The following MIPEP variants were observed in gnomAD, a reference collection of about 807,000 sequenced individuals.
MIPEP encodes the protein mitochondrial intermediate peptidase.
In MIPEP, 79 loss-of-function variants were observed where a neutral mutation model predicts 90.3. That is an observed-to-expected ratio of 0.87 (90% CI 0.73 to 1.05). MIPEP has a LOEUF of 1.05. MIPEP is among the 50% of genes least tolerant of loss of function. The pLI, the probability that MIPEP is intolerant of heterozygous loss-of-function variation, is 0.00. For missense variants in MIPEP, 940 were observed against 905.6 expected, an observed-to-expected ratio of 1.04 and a Z score of -0.49; for synonymous variants, 334 against 315.8, an observed-to-expected ratio of 1.06 and a Z score of -0.61.
chr13:23,821,930 C>T (rs961481797), intron 14 of MIPEP, among the ~76,000 whole-genome samples: 2 of 152,048 alleles, frequency 1.3e-5, no homozygotes, highest in South Asian at 4.1e-4. Context: ...TGTGTGGACA[C>T]AGAAGGGCCA....
At chr13:23,744,851 TA>T (rs1952367062) in intron 18 of MIPEP, among the ~76,000 whole-genome samples, 1 of 152,178 alleles carries the variant, frequency 6.6e-6, no homozygotes, top group Admixed American at 6.5e-5. Context: ...AGCATTTAAA[TA>T]AAATGTCTAT....
chr13:23,837,491 T>A, intron 13 of MIPEP, 61 bp downstream of exon 13: 1 of 1,316,876 alleles, frequency 7.6e-7, no homozygotes, highest in African/African-American at 1.5e-5. Context: ...CCTTTCCCAA[T>A]TCAAAGAAAA....
chr13:23,883,784 T>C lies in MIPEP; in HGVS notation c.364-1997A>G, dbSNP rs530610362. ...TGACACAGATTTTCCTTTTCTGATT[T>C]CTGTGACACAATTAGGTGAACAGGG... On this transcript the variant is annotated intron_variant, in intron 2 of 18. Transcript: ENST00000382172. Among the ~76,000 whole-genome samples the C allele has an allele frequency of 9.6e-4, 147 of 152,346 alleles. 1 individual carries two copies. The highest frequency in any genetic ancestry group is 3.4e-3 in the African/African-American group (142 of 41,584).
intron 14 of MIPEP, among the ~76,000 whole-genome samples, chr13:23,811,591 G>T (rs1456101421): frequency 6.6e-6 from 1 of 152,160 alleles, no homozygotes; most frequent in African/African-American, 2.4e-5. Context: ...TTTTCTATAA[G>T]TTGCTCACTA....
intron 14 of MIPEP, among the ~76,000 whole-genome samples, chr13:23,834,328 T>C (rs1868921550): frequency 6.6e-6 from 1 of 152,190 alleles, no homozygotes; most frequent in Non-Finnish European, 1.5e-5. Context: ...ATGCCCGTGT[T>C]TTTCCCTGTG....
chr13:23,736,222 A>T (rs1952261915), intron 18 of MIPEP, among the ~76,000 whole-genome samples: 1 of 152,226 alleles, frequency 6.6e-6, no homozygotes, highest in Non-Finnish European at 1.5e-5. Flanking sequence ...GGACTCAAAC[A>T]GGCAATAACT....
intron 18 of MIPEP, among the ~76,000 whole-genome samples, chr13:23,755,649 T>C (rs73446195): frequency 0.027 from 4,040 of 152,314 alleles, 196 homozygotes; most frequent in African/African-American, 0.092. Context: ...TAAATATTTG[T>C]AAGCATGTTT....
intron 14 of MIPEP, among the ~76,000 whole-genome samples, chr13:23,829,885 C>T (rs1025918077): frequency 2.6e-5 from 4 of 152,148 alleles, no homozygotes; most frequent in African/African-American, 7.2e-5. Flanking sequence ...AACACTGCTG[C>T]TAATTAAGAC....
intron 1 of MIPEP, among the ~76,000 whole-genome samples, chr13:23,887,103 T>G (rs549178726): frequency 6.6e-6 from 1 of 152,064 alleles, no homozygotes; most frequent in Admixed American, 6.5e-5. Flanking sequence ...GGAGGATGAG[T>G]TGACTATGAA....
chr13:23,763,173 G>T (rs772584174), intron 16 of MIPEP, among the ~76,000 whole-genome samples: 2 of 152,152 alleles, frequency 1.3e-5, no homozygotes, highest in South Asian at 4.1e-4. Context: ...ATTTAAAAGG[G>T]GTATTTGTCA....
chr13:23,786,450 A>G (rs952159926), intron 16 of MIPEP, among the ~76,000 whole-genome samples: 5 of 152,184 alleles, frequency 3.3e-5, no homozygotes, highest in African/African-American at 1.2e-4. Context: ...TACAAGCAAA[A>G]CAACAAAAAT....
chr13:23,877,897 T>TTA (rs1871133252), intron 4 of MIPEP, among the ~76,000 whole-genome samples: 1 of 152,220 alleles, frequency 6.6e-6, no homozygotes, highest in South Asian at 2.1e-4. Flanking sequence ...TTGCTTTTCT[T>TTA]TTCTAGACTG....
At chr13:23,825,763 T>A (rs1189646313) in intron 14 of MIPEP, among the ~76,000 whole-genome samples, 1 of 152,178 alleles carries the variant, frequency 6.6e-6, no homozygotes, top group East Asian at 1.9e-4. Context: ...TGGCTGAGTC[T>A]AAGGTAGCCA....
At position 23,849,986 on chromosome 13, in the gene MIPEP, C is replaced by G. The variant is rs1052874673; in HGVS notation, c.1107-8498G>C. Among the ~76,000 whole-genome samples, 15 of 152,314 alleles carry G rather than the reference C, an allele frequency of 9.8e-5. No homozygotes were observed. In the South Asian group the frequency reaches 1.2e-3, roughly 13 times the overall value. On this transcript the variant is annotated intron_variant, in intron 10 of 18. Transcript: ENST00000382172. ...GAATCCAGGTTGAAACACAGGTAAA[C>G]ACAGCTTCAGTCTCACCTTATTCTA... is the stretch of plus-strand genomic sequence containing the variant.
chr13:23,794,106 C>T (rs937511091), intron 16 of MIPEP, among the ~76,000 whole-genome samples: 1 of 152,124 alleles, frequency 6.6e-6, no homozygotes, highest in Non-Finnish European at 1.5e-5. Context: ...TCTAGAGCTG[C>T]TCTATCCATG....
chr13:23,845,502 C>T (rs1869497789), intron 10 of MIPEP, among the ~76,000 whole-genome samples: 1 of 152,232 alleles, frequency 6.6e-6, no homozygotes, highest in African/African-American at 2.4e-5. Context: ...CCAGAGCTCA[C>T]TTCCCTGCCT....
chr13:23,787,442 A>C (rs1952857885), intron 16 of MIPEP, among the ~76,000 whole-genome samples: 1 of 151,936 alleles, frequency 6.6e-6, no homozygotes, highest in Non-Finnish European at 1.5e-5. Flanking sequence ...AGAGAGAGAG[A>C]GAGCACAGCA....
chr13:23,756,624 G>A lies in MIPEP; in HGVS notation c.1971-6C>T. On this transcript the variant is annotated splice_region_variant and splice_polypyrimidine_tract_variant and intron_variant, in intron 17 of 18. Transcript: ENST00000382172. ...GATAGCGCTCCCCGGCAGCCCTGGG[G>A]AAGAGAGGTTCTGTTACAGACTCCT... is the stretch of plus-strand genomic sequence containing the variant. The A allele has an allele frequency of 6.2e-7, 1 of 1,611,998 alleles. No individual in the cohort carries two copies. Among genetic ancestry groups the A allele is most frequent in the Non-Finnish European group, 8.5e-7 (1 of 1,179,876 alleles).
chr13:23,784,913 G>C (rs1952821180), intron 16 of MIPEP, among the ~76,000 whole-genome samples: 1 of 152,192 alleles, frequency 6.6e-6, no homozygotes, highest in African/African-American at 2.4e-5. Context: ...GGCCATCAGA[G>C]AAATGCACAT....
Sources: allele counts gnomAD v4.1 joint callset (sites outside exome capture counted in the v4.1 genomes callset), GRCh38; gene constraint gnomAD v4.1.1; transcripts MANE v1.5; gene names NCBI Gene and HGNC (gene_info 2026-07-23, HGNC 2026-07-21).